Variants in MDFIC2 observed in about 807,000 individuals in gnomAD.
MDFIC2 encodes the protein MyoD family inhibitor domain containing 2.
chr3:70,209,594 G>C (rs960273146), intron 2 of MDFIC2, among the ~76,000 whole-genome samples: 3 of 152,040 alleles, frequency 2.0e-5, no homozygotes, highest in African/African-American at 7.2e-5. Context: ...ATTGTCCAAG[G>C]CCTCCTCCTT....
chr3:70,216,454 C>T (rs1051635467), intron 2 of MDFIC2, among the ~76,000 whole-genome samples: 1 of 151,910 alleles, frequency 6.6e-6, no homozygotes, highest in African/African-American at 2.4e-5. Context: ...CCATTTTTCA[C>T]ATGAGGACAC....
At chr3:70,294,264 T>G (rs1702268281) in intron 2 of MDFIC2, among the ~76,000 whole-genome samples, 1 of 151,364 alleles carries the variant, frequency 6.6e-6, no homozygotes, top group African/African-American at 2.4e-5. Flanking sequence ...GTGTTCTTTA[T>G]AAAACATTTT....
intron 3 of MDFIC2, among the ~76,000 whole-genome samples, chr3:70,199,148 A>T (rs1701209849): frequency 6.6e-6 from 1 of 152,148 alleles, no homozygotes; most frequent in African/African-American, 2.4e-5. Flanking sequence ...TCCTTTATAC[A>T]TGCAAGGTTA....
intron 2 of MDFIC2, among the ~76,000 whole-genome samples, chr3:70,239,534 C>T (rs1218085152): frequency 6.6e-6 from 1 of 152,054 alleles, no homozygotes; most frequent in East Asian, 1.9e-4. Context: ...CTAGGGAGTA[C>T]ATTACTATAA....
chr3:70,310,718 G>A (rs1702446642), intron 2 of MDFIC2, among the ~76,000 whole-genome samples: 1 of 152,096 alleles, frequency 6.6e-6, no homozygotes, highest in African/African-American at 2.4e-5. Flanking sequence ...AAGGACAAGA[G>A]TGGATGTGAG....
At chr3:70,269,815 C>T (rs1010676625) in intron 2 of MDFIC2, among the ~76,000 whole-genome samples, 1 of 152,150 alleles carries the variant, frequency 6.6e-6, no homozygotes, top group Non-Finnish European at 1.5e-5. Context: ...AACGAAATCA[C>T]ATCTCATTTC....
chr3:70,208,904 A>G (rs1312743965), intron 2 of MDFIC2, among the ~76,000 whole-genome samples: 2 of 152,056 alleles, frequency 1.3e-5, no homozygotes, highest in Non-Finnish European at 2.9e-5. Flanking sequence ...TTCATCCACC[A>G]TAAAAGGGAT....
intron 2 of MDFIC2, among the ~76,000 whole-genome samples, chr3:70,219,960 A>G (rs1366597762): frequency 6.6e-6 from 1 of 152,182 alleles, no homozygotes; most frequent in Admixed American, 6.6e-5. Flanking sequence ...AATTTCTGAG[A>G]GTGTGCTCCA....
chr3:70,227,763 A>C (rs2106741880), intron 2 of MDFIC2, among the ~76,000 whole-genome samples: 2 of 152,320 alleles, frequency 1.3e-5, no homozygotes, highest in Middle Eastern at 6.8e-3. Context: ...GATAAGCACT[A>C]CTACCCTCCA....
At chr3:70,304,445 G>A (rs573719109) in intron 2 of MDFIC2, among the ~76,000 whole-genome samples, 16 of 152,224 alleles carry the variant, frequency 1.1e-4, no homozygotes, top group Middle Eastern at 3.4e-3. Context: ...CATTTCACAA[G>A]TAACCTGCTC....
At chr3:70,252,223 A>G (rs1701775937) in intron 2 of MDFIC2, among the ~76,000 whole-genome samples, 1 of 152,196 alleles carries the variant, frequency 6.6e-6, no homozygotes, top group African/African-American at 2.4e-5. Context: ...AATTCTGCAA[A>G]CCCATAGTTT....
chr3:70,282,703 C>T (rs1702100848), intron 2 of MDFIC2, among the ~76,000 whole-genome samples: 1 of 152,176 alleles, frequency 6.6e-6, no homozygotes, highest in African/African-American at 2.4e-5. Flanking sequence ...TCCTCGACTA[C>T]CTTGTCTATG....
intron 2 of MDFIC2, among the ~76,000 whole-genome samples, chr3:70,233,502 C>G (rs1701580444): frequency 6.6e-6 from 1 of 152,148 alleles, no homozygotes; most frequent in South Asian, 2.1e-4. Context: ...AGATATATTA[C>G]ATACAATAAT....
At chr3:70,295,829 C>A (rs1056394465) in intron 2 of MDFIC2, among the ~76,000 whole-genome samples, 1 of 152,120 alleles carries the variant, frequency 6.6e-6, no homozygotes. Flanking sequence ...AATTATAATA[C>A]CTTATTTTTT....
chr3:70,226,369 C>T (rs1194644335), intron 2 of MDFIC2, among the ~76,000 whole-genome samples: 1 of 152,066 alleles, frequency 6.6e-6, no homozygotes, highest in Non-Finnish European at 1.5e-5. Flanking sequence ...GGATGCAAAG[C>T]CCAGGAATTT....
intron 2 of MDFIC2, among the ~76,000 whole-genome samples, chr3:70,211,387 T>C (rs1335585288): frequency 8.3e-3 from 30 of 3,622 alleles, no homozygotes; most frequent in Admixed American, 0.028. Flanking sequence ...CTTTCCTTCC[T>C]TTCCCTTCCC....
In MDFIC2 at chr3:70,245,714, T is replaced by TATATAC. The variant is rs1553648300; in HGVS notation, c.89-38925_89-38924insGTATAT. Among the ~76,000 whole-genome samples, 9 of 123,944 alleles carry TATATAC rather than the reference T, an allele frequency of 7.3e-5. No homozygotes were observed. In the East Asian group the frequency reaches 1.8e-3, roughly 25 times the overall value. The allele number at this position is 123,944 out of a possible 152,430, so 81.3% of individuals were successfully genotyped here. On this transcript the variant is annotated intron_variant, in intron 2 of 3. Transcript: ENST00000567252. ...ATATATATATATATATATATATATA[T>TATATAC]ACACATTCAAATGCAAAATAAAGCT...
At chr3:70,264,771 T>G (rs9815193) in intron 2 of MDFIC2, among the ~76,000 whole-genome samples, 2,007 of 152,302 alleles carry the variant, frequency 0.013, 57 homozygotes, top group African/African-American at 0.046. Context: ...AATCTCATGA[T>G]AGGGAAAATA....
At chr3:70,226,271 G>T (rs1432991199) in intron 2 of MDFIC2, among the ~76,000 whole-genome samples, 3 of 152,132 alleles carry the variant, frequency 2.0e-5, no homozygotes, top group Non-Finnish European at 4.4e-5. Flanking sequence ...TCTGCTTTCG[G>T]AATTTGCTCT....
Sources: allele counts gnomAD v4.1 joint callset (sites outside exome capture counted in the v4.1 genomes callset), GRCh38; gene constraint gnomAD v4.1.1; transcripts MANE v1.5; gene names NCBI Gene and HGNC (gene_info 2026-07-23, HGNC 2026-07-21).